DRC10: variants seen among roughly 807,000 people sequenced by gnomAD.
DRC10 encodes IQ domain-containing protein D.
the DRC10 span, among the ~76,000 whole-genome samples, chr12:113,219,800 ATTTAT>A: frequency 6.6e-6 from 1 of 151,258 alleles, no homozygotes; most frequent in African/African-American, 2.4e-5. Context: ...AGCCTTATTT[ATTTAT>A]TTATTTATTT....
At chr12:113,200,535 C>T in the DRC10 span, 19 of 1,249,008 alleles carry the variant, frequency 1.5e-5, 1 homozygote, top group Admixed American at 3.8e-4. Flanking sequence ...CCCATCCCCC[C>T]CACCAGGGGC....
At chr12:113,208,139 G>A in the DRC10 span, 1 of 1,613,882 alleles carries the variant, frequency 6.2e-7, no homozygotes, top group Non-Finnish European at 8.5e-7. Flanking sequence ...TGATACAAAG[G>A]GGCCATGGCG....
At chr12:113,220,506 G>A in the DRC10 span, among the ~76,000 whole-genome samples, 3 of 151,922 alleles carry the variant, frequency 2.0e-5, no homozygotes, top group East Asian at 1.9e-4. Flanking sequence ...TGCCCGCCTC[G>A]GCCTCCCAAA....
chr12:113,211,330 T>C, the DRC10 span, among the ~76,000 whole-genome samples: 6 of 152,134 alleles, frequency 3.9e-5, no homozygotes, highest in African/African-American at 1.4e-4. Context: ...CCACAAAAGA[T>C]AACTTCAACT....
the DRC10 span, chr12:113,207,645 C>T: frequency 6.2e-7 from 1 of 1,614,120 alleles, no homozygotes; most frequent in Non-Finnish European, 8.5e-7. Context: ...CACTTCTACC[C>T]TGTGTCTGCA....
the DRC10 span, among the ~76,000 whole-genome samples, chr12:113,215,808 A>G: frequency 1.3e-5 from 2 of 152,314 alleles, no homozygotes; most frequent in Non-Finnish European, 2.9e-5. Context: ...CTCCAACTTG[A>G]AAAAAATATT....
At chr12:113,214,405 C>T in the DRC10 span, among the ~76,000 whole-genome samples, 9 of 149,500 alleles carry the variant, frequency 6.0e-5, no homozygotes, top group South Asian at 1.9e-3. Flanking sequence ...ACTTGGGAGG[C>T]TGAGGCAGGA....
the DRC10 span, chr12:113,207,517 C>T: frequency 3.3e-5 from 54 of 1,613,894 alleles, 1 homozygote; most frequent in Admixed American, 8.8e-4. Context: ...ACTATTCTGT[C>T]TACTGATATC....
the DRC10 span, chr12:113,207,660 C>T: frequency 1.2e-6 from 2 of 1,614,086 alleles, no homozygotes; most frequent in Non-Finnish European, 8.5e-7. Flanking sequence ...TCTGCATCTG[C>T]AGGAGCCTAG....
the DRC10 span, among the ~76,000 whole-genome samples, chr12:113,214,532 A>G: frequency 1.3e-5 from 2 of 151,150 alleles, no homozygotes; most frequent in East Asian, 1.9e-4. Context: ...AAAAAAAGAG[A>G]AAAAAAGAGA....
chr12:113,213,085 A>G, the DRC10 span, among the ~76,000 whole-genome samples: 1 of 150,182 alleles, frequency 6.7e-6, no homozygotes, highest in Admixed American at 6.7e-5. Flanking sequence ...ACTAAATTAT[A>G]TATTTTTTCC....
the DRC10 span, chr12:113,200,251 C>T: frequency 3.5e-5 from 16 of 462,662 alleles, no homozygotes; most frequent in Non-Finnish European, 4.9e-5. Context: ...CAGCCTCTGA[C>T]GATGTGGGTA....
the DRC10 span, among the ~76,000 whole-genome samples, chr12:113,202,612 G>A: frequency 6.6e-6 from 1 of 152,198 alleles, no homozygotes; most frequent in Admixed American, 6.5e-5. Context: ...AGTTCTGTGT[G>A]CCACCTCCAC....
At chr12:113,214,301 G>C in the DRC10 span, among the ~76,000 whole-genome samples, 1 of 152,202 alleles carries the variant, frequency 6.6e-6, no homozygotes, top group African/African-American at 2.4e-5. Flanking sequence ...CTGAGGTCAG[G>C]AGTTTGAGAC....
chr12:113,202,919 C>G, the DRC10 span: 1 of 379,030 alleles, frequency 2.6e-6, no homozygotes, highest in African/African-American at 2.1e-5. Context: ...TACTCATACA[C>G]CATCTCACAG....
the DRC10 span, among the ~76,000 whole-genome samples, chr12:113,214,560 T>C: frequency 6.7e-5 from 10 of 148,380 alleles, no homozygotes; most frequent in African/African-American, 2.5e-4. Flanking sequence ...AAGAAATCAC[T>C]GTTGAATAAA....
At chr12:113,210,390 A>T in the DRC10 span, among the ~76,000 whole-genome samples, 1 of 152,198 alleles carries the variant, frequency 6.6e-6, no homozygotes, top group East Asian at 1.9e-4. Context: ...TCAATAAATA[A>T]CTAATAGCAC....
the DRC10 span, among the ~76,000 whole-genome samples, chr12:113,215,375 C>A: frequency 6.6e-6 from 1 of 152,174 alleles, no homozygotes; most frequent in Non-Finnish European, 1.5e-5. Flanking sequence ...GCTTTTATGA[C>A]TTTTAGTACT....
At chr12:113,197,592 C>A in the DRC10 span, 3 of 1,532,188 alleles carry the variant, frequency 2.0e-6, no homozygotes, top group Non-Finnish European at 2.6e-6. Context: ...TCTCGATTTC[C>A]GTTTCCACTT....
Sources: gnomAD v4.1 joint callset for allele counts (sites outside exome capture counted in the v4.1 genomes callset) on GRCh38, gnomAD v4.1.1 for gene constraint, MANE v1.5 for transcripts, NCBI Gene and HGNC (gene_info 2026-07-23, HGNC 2026-07-21) for gene names.